UVSSA: variants seen among roughly 807,000 people sequenced by gnomAD.
UVSSA encodes UV-stimulated scaffold protein A.
In UVSSA, 72 loss-of-function variants were observed where a neutral mutation model predicts 73.9. The observed-to-expected ratio is 0.97, with a 90% CI of 0.81 to 1.19. The LOEUF is 1.19. UVSSA is among the 50% of genes most tolerant of loss of function. The probability of loss-of-function intolerance (pLI) is 0.00; values close to 1 mark genes in which losing one functional copy is unlikely to be tolerated. For synonymous variants in UVSSA, 454 were observed against 391.3 expected, an observed-to-expected ratio of 1.16 and a Z score of -1.89; for missense variants, 1,150 against 965.0, an observed-to-expected ratio of 1.19 and a Z score of -2.54.
intron 2 of UVSSA, 124 bp from the exon 3 acceptor site, chr4:1,349,400 A>T: frequency 1.1e-6 from 1 of 908,932 alleles, no homozygotes; most frequent in Non-Finnish European, 1.6e-6. Context: ...AAAAGGGGAG[A>T]ATGAAGATGG....
At chr4:1,394,512 A>G in exon 14 of UVSSA, 1 of 1,613,942 alleles carries the variant, frequency 6.2e-7, no homozygotes, top group Non-Finnish European at 8.5e-7. Context: ...TGCACCTCTT[A>G]TGCATGAGCC....
At chr4:1,345,434 CA>C (rs1176367783), upstream of UVSSA, among the ~76,000 whole-genome samples, 2 of 152,068 alleles carry the variant, frequency 1.3e-5, no homozygotes, top group African/African-American at 2.4e-5. Flanking sequence ...CACCTGAAGT[CA>C]GGAGTTCGAG....
exon 14 of UVSSA, chr4:1,394,396 G>A (rs1720471531): frequency 6.7e-7 from 1 of 1,502,708 alleles, no homozygotes; most frequent in Non-Finnish European, 9.0e-7. Context: ...GTACTTTTAT[G>A]GGTTTCATTT....
At chr4:1,381,030 G>C (rs972367815) in intron 12 of UVSSA, 42 bp downstream of exon 12, 3 of 1,578,148 alleles carry the variant, frequency 1.9e-6, no homozygotes, top group Non-Finnish European at 2.6e-6. Context: ...GCACAGCCTG[G>C]GACTCACTGC....
At chr4:1,365,383 G>A (rs1289431431) in intron 7 of UVSSA, among the ~76,000 whole-genome samples, 2 of 152,234 alleles carry the variant, frequency 1.3e-5, no homozygotes, top group African/African-American at 4.8e-5. Context: ...TCTTTCTCTG[G>A]CCTGATGAGA....
Position 1,380,190 on chromosome 4 carries a change from G to A in UVSSA, c.1712G>A (p.Arg571Lys), listed in dbSNP as rs369990759. 7 of 1,612,698 alleles carry A rather than the reference G, an allele frequency of 4.3e-6. No individual in the cohort carries two copies. The highest frequency in any genetic ancestry group is 5.9e-6 in the Non-Finnish European group (7 of 1,179,906). ...EPVQHWCRAPRPDGRLCERQD... is the reference protein window; with the variant it reads ...EPVQHWCRAPKPDGRLCERQD... ...GTGCAGCACTGGTGCCGTGCCCCGA[G>A]GCCAGACGGCCGGCTCTGTGAGCGC... The change falls in exon 11 of 14, where the codon AGG becomes AAG. Residue 571 changes from arginine (R) to lysine (K), a missense_variant. Arg to Lys is a conservative substitution (Grantham distance 26). Transcript: ENST00000389851.
At chr4:1,347,009 G>T (rs1157282511), upstream of UVSSA, among the ~76,000 whole-genome samples, 1 of 152,216 alleles carries the variant, frequency 6.6e-6, no homozygotes, top group Admixed American at 6.5e-5. Context: ...TGGCTGTCGA[G>T]CTCAGGGCAC....
chr4:1,359,247 G>A (rs559481909), intron 7 of UVSSA: 5 of 152,270 alleles, frequency 3.3e-5, no homozygotes, highest in East Asian at 1.9e-4. Context: ...TGTGCTGTGC[G>A]TTTGGAGTGC....
chr4:1,384,511 C>T (rs13147542), intron 13 of UVSSA: 29,502 of 152,778 alleles, frequency 0.19, 3,799 homozygotes, highest in Non-Finnish European at 0.29. Context: ...CCCACCAGCC[C>T]GGCGTCCCTG....
rs1560469265 is a variant in UVSSA at position 1,372,834 on chromosome 4, T to TCC, written c.1289-2529_1289-2528insCC. Among the ~76,000 whole-genome samples, 30 of 34,168 alleles carry TCC rather than the reference T, an allele frequency of 8.8e-4. 5 individuals are homozygous for TCC. The highest frequency in any genetic ancestry group is 4.9e-3 in the African/African-American group (26 of 5,302). 22.4% of individuals were successfully genotyped at this position (34,168 alleles called of 152,430 possible). On this transcript the variant is annotated intron_variant, in intron 8 of 13. Transcript: ENST00000389851. ...CGTCTCAGGGCACTCACCTCCCGCG[T>TCC]CTCAGGGCACTCACCTCCCGCGTCC... is the stretch of plus-strand genomic sequence containing the variant.
intron 4 of UVSSA, among the ~76,000 whole-genome samples, chr4:1,352,345 TCTC>T (rs1273300720): frequency 9.9e-5 from 15 of 152,254 alleles, no homozygotes; most frequent in African/African-American, 2.6e-4. Context: ...CCCAGATCCT[TCTC>T]CTGACAGACT....
intron 10 of UVSSA, among the ~76,000 whole-genome samples, chr4:1,378,614 G>C (rs985456429): frequency 4.6e-5 from 7 of 152,186 alleles, no homozygotes; most frequent in Admixed American, 1.3e-4. Context: ...GCACCTGGAC[G>C]GGGAGGAAGC....
rs956527294 is a variant in UVSSA, at chr4:1,366,334, G to C, written c.1191G>C (p.Gly397=). The change falls in exon 8 of 14, where the codon GGG becomes GGC. Residue 397 remains glycine, a synonymous_variant. Transcript: ENST00000389851. ...GGERRRTEAL[G]DAEEDEDDED... ...TTTTTCCACAGACAGAAGCCCTGGG[G>C]GATGCGGAGGAAGATGAGGACGATG... The C allele has an allele frequency of 6.2e-7, 1 of 1,612,658 alleles. No individual in the cohort carries two copies. Among genetic ancestry groups the C allele is most frequent in the Non-Finnish European group, 8.5e-7 (1 of 1,179,264 alleles).
chr4:1,354,107 G>C (rs1008286314), intron 5 of UVSSA, among the ~76,000 whole-genome samples: 1 of 152,228 alleles, frequency 6.6e-6, no homozygotes, highest in African/African-American at 2.4e-5. Flanking sequence ...AGGGCCAGGA[G>C]GCAGCCGGGC....
At position 1,347,625 on chromosome 4, in the gene UVSSA, C is replaced by T. The variant is rs898067732; in HGVS notation, c.-138C>T. On this transcript the variant is annotated 5_prime_UTR_variant, in exon 1 of 14. Transcript: ENST00000389851. ...ATCCCACCAGGCACGCCGCGGTGCT[C>T]GGCCCTGGGTATCCGGGCAGGCTGC... 1 of 154,354 alleles carries T rather than the reference C, an allele frequency of 6.5e-6. No individual in the cohort carries two copies. The highest frequency in any genetic ancestry group is 1.4e-5 in the Non-Finnish European group (1 of 69,202). 9.6% of individuals were successfully genotyped at this position (154,354 alleles called of 1,614,324 possible).
rs372340848 is a variant in UVSSA at position 1,349,657 on chromosome 4, C to G, written c.232C>G (p.Leu78Val). The G allele has an allele frequency of 6.2e-7, 1 of 1,613,960 alleles. No individual in the cohort carries two copies. The highest frequency in any genetic ancestry group is 1.3e-5 in the African/African-American group (1 of 74,924). The change falls in exon 3 of 14, where the codon CTG (leucine) becomes GTG (valine). Residue 78 changes from leucine (L) to valine (V), a missense_variant. Leu to Val is a conservative substitution (Grantham distance 32). Transcript: ENST00000389851. ...LFVRSHQFRM[L>V]VVSNFQEFLE... Reference sequence around the variant, plus strand: ...CGTCAGGTCTCACCAGTTCCGGATGCTGGTTGTTTCCAACTTCCAGGAGTT... The same window carrying G: ...CGTCAGGTCTCACCAGTTCCGGATGGTGGTTGTTTCCAACTTCCAGGAGTT...
chr4:1,375,122 C>T lies in UVSSA; in HGVS notation c.1289-242C>T, dbSNP rs113269474. 8.9e-5 allele frequency: 52 copies of T among 586,114 alleles called. 2 individuals carry two copies. Among genetic ancestry groups the T allele is most frequent in the African/African-American group, 4.5e-4 (24 of 53,482 alleles). The allele number at this position is 586,114 out of a possible 1,614,324, so 36.3% of individuals were successfully genotyped here. A position where few individuals can be genotyped will look rare whatever the true frequency, so the allele number is the denominator to read the frequency against. Reference sequence around the variant, plus strand: ...GCCCGGCAGCACAGTGTGTGAACAGCGTGGCCACAAGGCGGGACTGCCGGA... The same window carrying T: ...GCCCGGCAGCACAGTGTGTGAACAGTGTGGCCACAAGGCGGGACTGCCGGA... On this transcript the variant is annotated intron_variant, in intron 8 of 13. Transcript: ENST00000389851.
intron 7 of UVSSA, among the ~76,000 whole-genome samples, chr4:1,359,939 A>G (rs997191315): frequency 6.6e-6 from 1 of 152,206 alleles, no homozygotes; most frequent in Non-Finnish European, 1.5e-5. Context: ...GTTTTCTGTG[A>G]TGCTCTGGAG....
chr4:1,353,352 G>T lies in UVSSA; in HGVS notation c.873G>T (p.Glu291Asp). Residue 291 changes from glutamate (E) to aspartate (D), a missense_variant, in exon 5 of 14, where the codon GAG becomes GAT. Glu to Asp is a conservative substitution (Grantham distance 45). Transcript: ENST00000389851. ...SDEDEDSDLEEFVRSHGLGSH... is the reference protein window; with the variant it reads ...SDEDEDSDLEDFVRSHGLGSH... ...AGGACGAGGACAGCGACCTCGAGGA[G>T]TTTGTGCGGAGCCACGGGCTGGGCT... 6.2e-7 allele frequency: 1 copy of T among 1,609,782 alleles called. No homozygotes were observed. Among genetic ancestry groups the T allele is most frequent in the South Asian group, 1.1e-5 (1 of 90,772 alleles).
Sources: allele counts gnomAD v4.1 joint callset (sites outside exome capture counted in the v4.1 genomes callset), GRCh38; gene constraint gnomAD v4.1.1; transcripts MANE v1.5; gene names NCBI Gene and HGNC (gene_info 2026-07-23, HGNC 2026-07-21).